The following VWDE variants were observed in gnomAD, a reference collection of about 807,000 sequenced individuals.
VWDE encodes von Willebrand factor D and EGF domains.
Under a neutral mutation model 178.4 loss-of-function variants are expected in VWDE, and 207 were observed. The ratio of observed to expected loss-of-function variants is 1.16; its 90% confidence interval spans 1.04 to 1.30. The LOEUF is 1.30. VWDE is among the 50% of genes most tolerant of loss of function. The probability of loss-of-function intolerance (pLI) is 0.00; values close to 1 mark genes in which losing one functional copy is unlikely to be tolerated. For synonymous variants in VWDE, 738 were observed against 651.4 expected (o/e 1.13, Z -2.02); for missense variants, 2,287 against 1,901.3 (o/e 1.20, Z -3.77).
intron 10 of VWDE, among the ~76,000 whole-genome samples, chr7:12,372,124 T>G (rs1783239776): frequency 6.6e-6 from 1 of 152,110 alleles, no homozygotes; most frequent in African/African-American, 2.4e-5. Flanking sequence ...GTTTTCATAT[T>G]TTTGTTGGTT....
intron 27 of VWDE, 41 bp downstream of exon 27, chr7:12,336,100 A>G: frequency 1.3e-6 from 2 of 1,493,160 alleles, no homozygotes; most frequent in Non-Finnish European, 1.8e-6. Context: ...AACAGATTCC[A>G]ATTCAGAACA....
chr7:12,369,931 A>G lies in VWDE; in HGVS notation c.2375T>C (p.Phe792Ser), dbSNP rs1400439461. 2 of 1,551,358 alleles carry G rather than the reference A, an allele frequency of 1.3e-6. No individual in the cohort carries two copies. Among genetic ancestry groups the G allele is most frequent in the Admixed American group, 2.0e-5 (1 of 50,968 alleles). ...DHAEDVQQEF[F>S]PSWPTPSGLT... Reference sequence around the variant, plus strand: ...GCCAGAGGGAGTGGGCCAAGAGGGGAAAAACTCTTGCTGTACATCCTCAGC... The same window carrying G: ...GCCAGAGGGAGTGGGCCAAGAGGGGGAAAACTCTTGCTGTACATCCTCAGC... Residue 792 changes from phenylalanine to serine, a missense_variant, in exon 12 of 29, where the codon TTC becomes TCC. Transcript: ENST00000275358.
chr7:12,403,512 A>T, intron 1 of VWDE, 147 bp downstream of exon 1: 2 of 689,082 alleles, frequency 2.9e-6, no homozygotes, highest in Non-Finnish European at 4.6e-6. Context: ...AGAGGGACAG[A>T]GAGGAGGCGG....
chr7:12,340,479 C>T (rs907098741), intron 23 of VWDE, 62 bp from the exon 24 acceptor site: 1 of 1,193,312 alleles, frequency 8.4e-7, no homozygotes, highest in East Asian at 2.6e-5. Context: ...ATGAAAGCTG[C>T]ACAGAAGTGC....
chr7:12,375,271 A>G (rs1203372880), intron 7 of VWDE, 44 bp from the exon 8 acceptor site: 1 of 1,331,850 alleles, frequency 7.5e-7, no homozygotes, highest in East Asian at 2.5e-5. Context: ...AAGAGAATAT[A>G]CTAACCAAAG....
Position 12,344,441 on chromosome 7 carries a change from A to C in VWDE, c.3915T>G (p.Ser1305Arg). Residue 1305 changes from serine to arginine, a missense_variant, in exon 20 of 29, where the codon AGT (serine) becomes AGG (arginine). Ser to Arg is a moderately radical substitution (Grantham distance 110). Coordinates refer to ENST00000275358, the MANE Select transcript of VWDE (RefSeq NM_001135924.3). ...AGATGTTTGGGGCAACACACTCCCT[A>C]CTTTTTCCACATGGATATTTACAAA... ...FTICKYPCGK[S>R]RECVAPNICK... 1 of 1,550,520 alleles carries C rather than the reference A, an allele frequency of 6.4e-7. No homozygotes were observed. Among genetic ancestry groups the C allele is most frequent in the Non-Finnish European group, 8.7e-7 (1 of 1,146,416 alleles).
rs1439251111 is a variant in VWDE, at chr7:12,373,089, A to T, written c.1475T>A (p.Phe492Tyr). 1.3e-6 allele frequency: 2 copies of T among 1,551,330 alleles called. No homozygotes were observed. The highest frequency in any genetic ancestry group is 2.0e-5 in the Admixed American group (1 of 50,970). Residue 492 changes from phenylalanine (F) to tyrosine (Y), a missense_variant, in exon 10 of 29, where the codon TTT becomes TAT. Phe to Tyr is a conservative substitution (Grantham distance 22, BLOSUM62 3). Transcript: ENST00000275358. Reference sequence around the variant, plus strand: ...ACGTAGCTGACCATTGCACATATCAAAAGTAACTATATCACCTCCTTCCTG... The same window carrying T: ...ACGTAGCTGACCATTGCACATATCATAAGTAACTATATCACCTCCTTCCTG... ...VAQEGGDIVT[F>Y]DMCNGQLRES...
chr7:12,338,626 T>C (rs865912143), intron 24 of VWDE, among the ~76,000 whole-genome samples: 2 of 152,106 alleles, frequency 1.3e-5, no homozygotes, highest in South Asian at 4.1e-4. Flanking sequence ...TGTCTACCCA[T>C]AGTCTCACAT....
chr7:12,389,223 A>G lies in VWDE; in HGVS notation c.379T>C (p.Cys127Arg). Reference protein sequence around the residue: ...QFLFSTTKDCCLFQIPVSVRN... With the variant: ...QFLFSTTKDCRLFQIPVSVRN... ...ACAGACACTGGGATTTGAAAGAGAC[A>G]GCAGTCTTTTGTAGTGCTGAACAAA... The change falls in exon 3 of 29, where the codon TGT becomes CGT. Residue 127 changes from cysteine to arginine, a missense_variant. By Grantham distance (180) the Cys-to-Arg change is radical. Coordinates refer to ENST00000275358, the MANE Select transcript of VWDE (RefSeq NM_001135924.3). 6.4e-7 allele frequency: 1 copy of G among 1,551,778 alleles called. No individual in the cohort carries two copies. Among genetic ancestry groups the G allele is most frequent in the Non-Finnish European group, 8.7e-7 (1 of 1,147,002 alleles).
chr7:12,386,736 A>G (rs780326355), intron 3 of VWDE, among the ~76,000 whole-genome samples: 1 of 152,050 alleles, frequency 6.6e-6, no homozygotes, highest in Non-Finnish European at 1.5e-5. Context: ...TATATATTTC[A>G]TCCTCTCTCA....
At chr7:12,380,429 T>C (rs1425212093) in intron 5 of VWDE, 57 bp downstream of exon 5, 2 of 1,518,172 alleles carry the variant, frequency 1.3e-6, no homozygotes, top group East Asian at 2.5e-5. Context: ...TGTTTAAAAA[T>C]CGTGTTTGAA....
At chr7:12,347,124 C>A (rs1315365610) in intron 19 of VWDE, among the ~76,000 whole-genome samples, 1 of 152,150 alleles carries the variant, frequency 6.6e-6, no homozygotes, top group African/African-American at 2.4e-5. Flanking sequence ...GTGCCCTGGA[C>A]TAGCAGTCCC....
rs529538920 is a variant in VWDE, at chr7:12,393,805, T to C, written c.59-27A>G. 4.8e-5 allele frequency: 72 copies of C among 1,506,842 alleles called. 1 individual carries two copies. In the Admixed American group the frequency reaches 5.5e-4, roughly 12 times the overall value. The allele number at this position is 1,506,842 out of a possible 1,614,324, so 93.3% of individuals were successfully genotyped here. A position where few individuals can be genotyped will look rare whatever the true frequency, so the allele number is the denominator to read the frequency against. On this transcript the variant is annotated intron_variant, in intron 1 of 28. Transcript: ENST00000275358. ...TAGTATGGAAAGACAGGTGTTTTTA[T>C]GTAATGTGTTTTGTTTGTTGACATA...
chr7:12,359,285 G>A (rs559792723), intron 16 of VWDE, among the ~76,000 whole-genome samples: 2 of 152,166 alleles, frequency 1.3e-5, no homozygotes, highest in South Asian at 4.1e-4. Context: ...TGGCCTTTGA[G>A]CTTAAATGGT....
intron 11 of VWDE, 53 bp downstream of exon 11, chr7:12,370,603 C>A (rs1783130205): frequency 6.5e-7 from 1 of 1,535,942 alleles, no homozygotes. Context: ...TGAGCCACCA[C>A]CCGTTTTAAG....
At chr7:12,343,532 A>T (rs1440031) in intron 21 of VWDE, among the ~76,000 whole-genome samples, 3 of 152,062 alleles carry the variant, frequency 2.0e-5, no homozygotes, top group African/African-American at 7.2e-5. Context: ...GAATGTTTCT[A>T]TTAGTTCACC....
chr7:12,356,222 C>T lies in VWDE; in HGVS notation c.3634G>A (p.Gly1212Ser), dbSNP rs1583297190. 6.4e-7 allele frequency: 1 copy of T among 1,551,432 alleles called. No homozygotes were observed. ...YLCVCLPGFHGSLCEVDISGC... is the reference protein window; with the variant it reads ...YLCVCLPGFHSSLCEVDISGC... Reference sequence around the variant, plus strand: ...CTAATGTCCACTTCACAAAGGCTGCCATGGAAGCCAGGCAAGCAGACACAC... The same window carrying T: ...CTAATGTCCACTTCACAAAGGCTGCTATGGAAGCCAGGCAAGCAGACACAC... The change falls in exon 18 of 29, where the codon GGC becomes AGC. Residue 1212 changes from glycine (G) to serine (S), a missense_variant. Physicochemically the swap from Gly to Ser is moderately conservative, Grantham distance 56. Transcript: ENST00000275358.
chr7:12,357,240 G>T, intron 17 of VWDE, 25 bp downstream of exon 17: 2 of 1,543,990 alleles, frequency 1.3e-6, no homozygotes, highest in Non-Finnish European at 1.8e-6. Context: ...GAATCCAGTG[G>T]CACTTATGTA....
At chr7:12,338,543 T>C (rs952436500) in intron 24 of VWDE, among the ~76,000 whole-genome samples, 3 of 152,028 alleles carry the variant, frequency 2.0e-5, no homozygotes, top group African/African-American at 7.2e-5. Flanking sequence ...AGTGTAGAAA[T>C]AAATTATTTA....
Sources: gnomAD v4.1 joint callset for allele counts (sites outside exome capture counted in the v4.1 genomes callset) on GRCh38, gnomAD v4.1.1 for gene constraint, MANE v1.5 for transcripts, NCBI Gene and HGNC (gene_info 2026-07-23, HGNC 2026-07-21) for gene names.